The following ATP8B4 variants were observed in gnomAD, a reference collection of about 807,000 sequenced individuals.
The protein encoded by ATP8B4 is probable phospholipid-transporting ATPase IM.
In ATP8B4, 133 loss-of-function variants were observed where a neutral mutation model predicts 145.6. The observed-to-expected ratio is 0.91, with a 90% CI of 0.79 to 1.05. The LOEUF is 1.05. ATP8B4 is among the 50% of genes least tolerant of loss of function. The pLI is 0.00. For missense variants in ATP8B4, 1,458 were observed against 1,425.2 expected (o/e 1.02, Z -0.37); for synonymous variants, 507 against 492.9 (o/e 1.03, Z -0.38).
intron 1 of ATP8B4, among the ~76,000 whole-genome samples, chr15:50,135,264 G>C (rs2044105641): frequency 6.6e-6 from 1 of 152,066 alleles, no homozygotes; most frequent in African/African-American, 2.4e-5. Context: ...GACAAATTCA[G>C]CTTGTAGGTT....
chr15:49,923,219 A>G (rs1346994384), intron 17 of ATP8B4, among the ~76,000 whole-genome samples, 160 bp downstream of exon 17: 1 of 152,182 alleles, frequency 6.6e-6, no homozygotes, highest in African/African-American at 2.4e-5. Flanking sequence ...CCTTGTGCCA[A>G]TTCCCAGACA....
chr15:50,165,970 AACAC>A (rs149302745), intron 1 of ATP8B4, among the ~76,000 whole-genome samples: 44,621 of 146,930 alleles, frequency 0.3, 6,872 homozygotes, highest in East Asian at 0.36. Context: ...AATCCCAGAG[AACAC>A]ACACACACAC....
chr15:50,121,656 G>C (rs1356024943), upstream of ATP8B4, among the ~76,000 whole-genome samples: 1 of 151,652 alleles, frequency 6.6e-6, no homozygotes, highest in Admixed American at 6.6e-5. Context: ...CTCGATTTAG[G>C]ATACAAGAAA....
chr15:50,165,970 AACACACACACACACACACACAC>A (rs149302745), intron 1 of ATP8B4, among the ~76,000 whole-genome samples: 1 of 146,988 alleles, frequency 6.8e-6, no homozygotes, highest in African/African-American at 2.5e-5. Flanking sequence ...AATCCCAGAG[AACACACACACACACACACACAC>A]ACACACACAC....
intron 9 of ATP8B4, among the ~76,000 whole-genome samples, chr15:49,996,090 C>T (rs12911991): frequency 7.4e-4 from 113 of 152,018 alleles, no homozygotes; most frequent in Non-Finnish European, 1.4e-3. Context: ...TACTGAAGAT[C>T]GGGGACCAGC....
At chr15:50,089,841 C>T (rs758654494) in intron 2 of ATP8B4, among the ~76,000 whole-genome samples, 37 of 151,934 alleles carry the variant, frequency 2.4e-4, no homozygotes, top group Admixed American at 2.0e-3. Flanking sequence ...ATACCATTTG[C>T]CCCAGCAATC....
chr15:49,893,013 A>C (rs1332683209), intron 23 of ATP8B4, among the ~76,000 whole-genome samples: 1 of 152,218 alleles, frequency 6.6e-6, no homozygotes, highest in Non-Finnish European at 1.5e-5. Context: ...TGGAAAGAGA[A>C]AGATCTTAGG....
intron 2 of ATP8B4, among the ~76,000 whole-genome samples, chr15:50,104,067 A>G (rs1285558643): frequency 6.6e-6 from 1 of 152,188 alleles, no homozygotes; most frequent in Non-Finnish European, 1.5e-5. Context: ...CTCTCACCTT[A>G]TACAAAAATC....
intron 12 of ATP8B4, among the ~76,000 whole-genome samples, chr15:49,974,896 T>C (rs974435475): frequency 3.3e-5 from 5 of 152,230 alleles, no homozygotes; most frequent in African/African-American, 4.8e-5. Flanking sequence ...ATCTGATTTA[T>C]GGATTTCAAT....
At chr15:50,098,266 ATTTTTTTTTTTTTTTTTTTTTTTTT>A (rs71124319) in intron 2 of ATP8B4, among the ~76,000 whole-genome samples, 52 of 41,766 alleles carry the variant, frequency 1.2e-3, no homozygotes, top group African/African-American at 3.9e-3. Context: ...TTGTCAGGTG[ATTTTTTTTTTTTTTTTTTTTTTTTT>A]TTTTTTTTTT....
intron 1 of ATP8B4, among the ~76,000 whole-genome samples, chr15:50,173,882 C>T (rs1235330435): frequency 6.6e-6 from 1 of 152,048 alleles, no homozygotes; most frequent in East Asian, 1.9e-4. Context: ...AACATAGATG[C>T]TAAAATCCTT....
At chr15:50,012,670 G>A (rs577835334) in intron 6 of ATP8B4, among the ~76,000 whole-genome samples, 4 of 152,210 alleles carry the variant, frequency 2.6e-5, no homozygotes, top group South Asian at 4.2e-4. Flanking sequence ...GAAACTGAAC[G>A]AAGAGTAAGA....
intron 8 of ATP8B4, among the ~76,000 whole-genome samples, chr15:49,998,658 A>T (rs1758935464): frequency 6.6e-6 from 1 of 152,126 alleles, no homozygotes; most frequent in South Asian, 2.1e-4. Flanking sequence ...TCAGATGAGT[A>T]GGTTGTGAAA....
intron 25 of ATP8B4, 82 bp from the exon 26 acceptor site, chr15:49,866,566 T>C: frequency 3.9e-6 from 6 of 1,527,964 alleles, no homozygotes; most frequent in Non-Finnish European, 5.4e-6. Context: ...TCGCGAGAAC[T>C]GCCCTGTGGC....
intron 10 of ATP8B4, among the ~76,000 whole-genome samples, chr15:49,985,276 T>G (rs886639664): frequency 6.6e-6 from 1 of 152,032 alleles, no homozygotes; most frequent in Non-Finnish European, 1.5e-5. Flanking sequence ...TTTTGTATTT[T>G]TAGTAGAGAT....
At chr15:50,050,555 T>C (rs930736171) in intron 3 of ATP8B4, among the ~76,000 whole-genome samples, 6 of 152,104 alleles carry the variant, frequency 3.9e-5, no homozygotes, top group African/African-American at 1.2e-4. Flanking sequence ...CCCAGCTTTG[T>C]GTCATCAGAA....
intron 7 of ATP8B4, among the ~76,000 whole-genome samples, chr15:50,003,656 A>G (rs568904603): frequency 3.3e-5 from 5 of 152,306 alleles, no homozygotes; most frequent in African/African-American, 1.2e-4. Flanking sequence ...CAGTCAGTCT[A>G]TGGGCCTGCA....
chr15:49,905,197 T>C (rs2038465933), intron 20 of ATP8B4, among the ~76,000 whole-genome samples: 1 of 152,234 alleles, frequency 6.6e-6, no homozygotes, highest in African/African-American at 2.4e-5. Flanking sequence ...GTATGTATGA[T>C]ATGTATAAAA....
rs758013940 is a variant in ATP8B4, at chr15:49,866,535, A to T, written c.3028-51T>A. ...GGAGGTCTTTGAGGATTAAAACAGC[A>T]TCATTTTACCTCGTGATGTTTCGCG... On this transcript the variant is annotated intron_variant, in intron 25 of 27. Transcript: ENST00000284509. The T allele has an allele frequency of 1.7e-5, 27 of 1,593,886 alleles. No individual in the cohort carries two copies. The South Asian group carries it at 2.5e-4, about 15-fold the overall frequency.
Sources: allele counts gnomAD v4.1 joint callset (sites outside exome capture counted in the v4.1 genomes callset), GRCh38; gene constraint gnomAD v4.1.1; transcripts MANE v1.5; gene names NCBI Gene and HGNC (gene_info 2026-07-23, HGNC 2026-07-21).